The following ROR1 variants were observed in gnomAD, a reference collection of about 807,000 sequenced individuals.
ROR1 encodes inactive tyrosine-protein kinase transmembrane receptor ROR1.
ROR1 carries 19 observed loss-of-function variants against 78.8 expected under a neutral mutation model. That is an observed-to-expected ratio of 0.24 (90% CI 0.17 to 0.35). The LOEUF (loss-of-function observed/expected upper bound fraction) is 0.35, where lower values mean the gene tolerates loss of function less well. ROR1 is among the 10% of genes least tolerant of loss of function. ROR1 has a pLI of 1.00. For missense variants in ROR1, 917 were observed against 1,177.8 expected, an observed-to-expected ratio of 0.78 and a Z score of 3.24; for synonymous variants, 386 against 433.6, an observed-to-expected ratio of 0.89 and a Z score of 1.36.
At chr1:64,071,768 T>C (rs922587666) in intron 4 of ROR1, among the ~76,000 whole-genome samples, 4 of 152,228 alleles carry the variant, frequency 2.6e-5, no homozygotes, top group African/African-American at 9.6e-5. Flanking sequence ...CCATTTTCTA[T>C]TCCTCTATAA....
chr1:63,893,105 GTGTTTCTTCGAGGGGAGATTGTGCA>G (rs990897568), intron 1 of ROR1, among the ~76,000 whole-genome samples: 6 of 152,308 alleles, frequency 3.9e-5, no homozygotes, highest in Admixed American at 2.0e-4. Context: ...GTCTACCACT[GTGTTTCTTCGAGGGGAGATTGTGCA>G]TGTTTCTTCG....
intron 1 of ROR1, among the ~76,000 whole-genome samples, chr1:64,007,167 T>C (rs1646434529): frequency 6.6e-6 from 1 of 152,140 alleles, no homozygotes; most frequent in Non-Finnish European, 1.5e-5. Context: ...GCATTCTATC[T>C]CAGATCAATT....
chr1:64,062,563 G>A (rs1454900063), intron 4 of ROR1, among the ~76,000 whole-genome samples: 3 of 152,066 alleles, frequency 2.0e-5, no homozygotes, highest in Non-Finnish European at 2.9e-5. Context: ...TGCCCACCTC[G>A]ACCTCCCAAA....
At chr1:64,084,053 T>C (rs906469749) in intron 4 of ROR1, among the ~76,000 whole-genome samples, 5 of 152,216 alleles carry the variant, frequency 3.3e-5, no homozygotes, top group African/African-American at 4.8e-5. Flanking sequence ...ATTTTCCTAG[T>C]TCAACTATAA....
At chr1:63,962,811 G>A (rs1422963209) in intron 1 of ROR1, among the ~76,000 whole-genome samples, 1 of 152,190 alleles carries the variant, frequency 6.6e-6, no homozygotes, top group East Asian at 1.9e-4. Context: ...CCATCTGGAT[G>A]TGATGGGATA....
intron 7 of ROR1, chr1:64,143,008 ATTGGAAGCAGGAAGAAATTG>A (rs1649370341): frequency 9.1e-7 from 1 of 1,098,824 alleles, no homozygotes; most frequent in South Asian, 2.8e-5. Flanking sequence ...AAAAAGGAAT[ATTGGAAGCAGGAAGAAATTG>A]TTTTCTGTAT....
intron 2 of ROR1, among the ~76,000 whole-genome samples, chr1:64,010,382 G>GTTTTTTTTTTTA (rs1646466210): frequency 7.3e-6 from 1 of 137,550 alleles, no homozygotes; most frequent in African/African-American, 3.2e-5. Context: ...TTTTTTTTTG[G>GTTTTTTTTTTTA]TCTCCATCAC....
intron 1 of ROR1, among the ~76,000 whole-genome samples, chr1:63,978,790 C>G (rs1451364073): frequency 6.6e-6 from 1 of 152,118 alleles, no homozygotes; most frequent in Non-Finnish European, 1.5e-5. Flanking sequence ...TCCAGAGAAA[C>G]AGAACCAATA....
intron 7 of ROR1, among the ~76,000 whole-genome samples, chr1:64,145,381 G>C (rs1438965247): frequency 6.6e-6 from 1 of 152,164 alleles, no homozygotes; most frequent in African/African-American, 2.4e-5. Context: ...GAAAATTTGA[G>C]AGACCCTTAT....
At chr1:63,964,945 G>A (rs986900263) in intron 1 of ROR1, among the ~76,000 whole-genome samples, 2 of 152,350 alleles carry the variant, frequency 1.3e-5, no homozygotes, top group Non-Finnish European at 2.9e-5. Flanking sequence ...CTAGGCAAGG[G>A]ATGTGCTAAG....
chr1:63,791,022 T>C (rs672723), intron 1 of ROR1, among the ~76,000 whole-genome samples: 12,854 of 152,210 alleles, frequency 0.084, 575 homozygotes, highest in Non-Finnish European at 0.1. Context: ...AATAAAATTT[T>C]GCTGGGGTTT....
intron 1 of ROR1, among the ~76,000 whole-genome samples, chr1:63,823,365 G>A (rs1644934560): frequency 6.6e-6 from 1 of 151,788 alleles, no homozygotes; most frequent in Non-Finnish European, 1.5e-5. Context: ...TGAGTATGGA[G>A]GACCTAATAG....
At chr1:64,089,521 A>G (rs1053837934) in intron 4 of ROR1, among the ~76,000 whole-genome samples, 6 of 152,150 alleles carry the variant, frequency 3.9e-5, no homozygotes, top group African/African-American at 1.2e-4. Flanking sequence ...TCAAAGCAGT[A>G]CATTAAGAAC....
intron 8 of ROR1, among the ~76,000 whole-genome samples, chr1:64,175,756 T>C (rs1174850272): frequency 6.6e-6 from 1 of 152,236 alleles, no homozygotes; most frequent in Non-Finnish European, 1.5e-5. Flanking sequence ...TTAGTGGGCA[T>C]TTTGCCCTGG....
chr1:64,021,312 CA>C (rs1646563751), intron 2 of ROR1, among the ~76,000 whole-genome samples: 1 of 152,328 alleles, frequency 6.6e-6, no homozygotes, highest in Admixed American at 6.5e-5. Context: ...ACTCTAATTT[CA>C]ACCCCAATGT....
chr1:64,064,746 C>A (rs936039390), intron 4 of ROR1, among the ~76,000 whole-genome samples: 1 of 152,114 alleles, frequency 6.6e-6, no homozygotes, highest in Non-Finnish European at 1.5e-5. Context: ...GCTGAGGGGG[C>A]AGACATGGTG....
At chr1:63,790,051 T>C (rs933977738) in intron 1 of ROR1, among the ~76,000 whole-genome samples, 4 of 152,164 alleles carry the variant, frequency 2.6e-5, no homozygotes, top group Non-Finnish European at 5.9e-5. Context: ...AGATGTCACA[T>C]CCCTGACTCA....
At chr1:64,159,418 C>T (rs762241359) in intron 8 of ROR1, among the ~76,000 whole-genome samples, 20 of 152,144 alleles carry the variant, frequency 1.3e-4, no homozygotes, top group African/African-American at 4.8e-4. Flanking sequence ...CACTGCCTTG[C>T]CATAGAGTCA....
chr1:63,851,712 T>C (rs1645115002), intron 1 of ROR1, among the ~76,000 whole-genome samples: 1 of 152,208 alleles, frequency 6.6e-6, no homozygotes, highest in Non-Finnish European at 1.5e-5. Context: ...AATTATAAGC[T>C]CATTTGGTAG....
Sources: gnomAD v4.1 joint callset for allele counts (sites outside exome capture counted in the v4.1 genomes callset) on GRCh38, gnomAD v4.1.1 for gene constraint, MANE v1.5 for transcripts, NCBI Gene and HGNC (gene_info 2026-07-23, HGNC 2026-07-21) for gene names.